Variants in ZFHX3 observed in about 807,000 individuals in gnomAD.
ZFHX3 encodes the protein zinc finger homeobox protein 3.
A neutral mutation model predicts 279.1 loss-of-function variants in ZFHX3; 42 were observed. The observed-to-expected ratio is 0.15, with a 90% confidence interval of 0.12 to 0.19. The LOEUF (loss-of-function observed/expected upper bound fraction) is 0.19. ZFHX3 is among the 10% of genes least tolerant of loss of function. The pLI, the probability that ZFHX3 is intolerant of heterozygous loss-of-function variation, is 1.00. For missense variants in ZFHX3, 4,981 were observed against 4,754.0 expected (o/e 1.05, Z -1.40); for synonymous variants, 2,293 against 1,957.8 (o/e 1.17, Z -4.52).
intron 2 of ZFHX3, among the ~76,000 whole-genome samples, chr16:73,569,742 C>A (rs1443249830): frequency 6.6e-6 from 1 of 152,166 alleles, no homozygotes; most frequent in African/African-American, 2.4e-5. Context: ...GCCAGTGAAA[C>A]CTGGATGCAC....
chr16:73,647,166 C>T (rs2052626858), intron 2 of ZFHX3, among the ~76,000 whole-genome samples: 1 of 152,054 alleles, frequency 6.6e-6, no homozygotes, highest in Non-Finnish European at 1.5e-5. Context: ...GCGCCTGCCA[C>T]CACAGGCAGC....
chr16:72,961,957 G>A (rs1597023516), intron 1 of ZFHX3, among the ~76,000 whole-genome samples: 1 of 152,162 alleles, frequency 6.6e-6, no homozygotes, highest in East Asian at 1.9e-4. Context: ...GGACTTCCTC[G>A]CAAGGCTGAG....
chr16:72,798,559 C>G lies in ZFHX3; in HGVS notation c.4123G>C (p.Ala1375Pro). 1 of 1,614,184 alleles carries G rather than the reference C, an allele frequency of 6.2e-7. No individual in the cohort carries two copies. Among genetic ancestry groups the G allele is most frequent in the South Asian group, 1.1e-5 (1 of 91,078 alleles). Reference sequence around the variant, plus strand: ...TCATTAAAATGCGTCTGAAGGGCAGCAGAAGTTTTGAAAACCTGGTTGCAC... The same window carrying G: ...TCATTAAAATGCGTCTGAAGGGCAGGAGAAGTTTTGAAAACCTGGTTGCAC... ...KGCNQVFKTS[A>P]ALQTHFNEVH... The change falls in exon 9 of 10, where the codon GCT becomes CCT. Residue 1375 changes from alanine (A) to proline (P), a missense_variant. This residue lies in a region of ZFHX3 where 1,751 missense variants were observed against 1,770.0 expected (regional missense o/e 0.99). Coordinates refer to ENST00000268489, the MANE Select transcript of ZFHX3 (RefSeq NM_006885.4).
At chr16:73,708,914 C>T (rs1480054426) in intron 1 of ZFHX3, among the ~76,000 whole-genome samples, 3 of 152,076 alleles carry the variant, frequency 2.0e-5, no homozygotes, top group African/African-American at 2.4e-5. Context: ...GCTCACTTTC[C>T]GTCTCCTCTC....
intron 3 of ZFHX3, among the ~76,000 whole-genome samples, chr16:72,932,653 CAAAAAAAAA>C (rs3079316): frequency 1.5e-4 from 16 of 103,228 alleles, no homozygotes; most frequent in Admixed American, 4.2e-4. Context: ...TGCTCCGCAC[CAAAAAAAAA>C]AAAAAAAAAA....
At chr16:73,458,509 G>A (rs572280510) in intron 2 of ZFHX3, among the ~76,000 whole-genome samples, 2 of 152,164 alleles carry the variant, frequency 1.3e-5, no homozygotes, top group Non-Finnish European at 2.9e-5. Flanking sequence ...CTGAGTAGCT[G>A]GGATTGCAGG....
At chr16:73,213,526 G>A (rs997472414) in intron 5 of ZFHX3, among the ~76,000 whole-genome samples, 1 of 151,908 alleles carries the variant, frequency 6.6e-6, no homozygotes. Flanking sequence ...ACTTTTTAGG[G>A]AAAGAAAAAC....
At chr16:72,877,768 A>C (rs2038353673) in intron 4 of ZFHX3, among the ~76,000 whole-genome samples, 1 of 152,210 alleles carries the variant, frequency 6.6e-6, no homozygotes, top group Non-Finnish European at 1.5e-5. Context: ...TTCAAAGTTC[A>C]GGTCAACTCA....
intron 2 of ZFHX3, among the ~76,000 whole-genome samples, chr16:73,458,306 T>TCCCCTCCCTTCC (rs2018409972): frequency 7.1e-6 from 1 of 141,724 alleles, no homozygotes; most frequent in African/African-American, 2.9e-5. Context: ...CTTTCCTTCT[T>TCCCCTCCCTTCC]TCCCTCCCTT....
chr16:72,907,435 G>A (rs1044531291), intron 3 of ZFHX3, among the ~76,000 whole-genome samples: 53 of 151,744 alleles, frequency 3.5e-4, no homozygotes, highest in African/African-American at 1.2e-3. Flanking sequence ...TTCTCTGTAC[G>A]TGAGAAAGGC....
intron 5 of ZFHX3, among the ~76,000 whole-genome samples, chr16:73,171,005 T>A (rs1967508595): frequency 6.6e-6 from 1 of 152,134 alleles, no homozygotes; most frequent in African/African-American, 2.4e-5. Flanking sequence ...AAGTCCAGAA[T>A]GCGGTGGAAC....
intron 6 of ZFHX3, among the ~76,000 whole-genome samples, chr16:73,134,187 G>A (rs771911411): frequency 1.6e-4 from 24 of 152,244 alleles, no homozygotes; most frequent in Non-Finnish European, 2.8e-4. Flanking sequence ...AACCCAGCAA[G>A]TCTGACTTCA....
intron 1 of ZFHX3, among the ~76,000 whole-genome samples, chr16:73,868,250 GGGT>G (rs1962078883): frequency 6.6e-6 from 1 of 152,168 alleles, no homozygotes; most frequent in Non-Finnish European, 1.5e-5. Context: ...CGGCCAAGTG[GGGT>G]GGCTCACGCC....
At chr16:73,343,068 T>C (rs969251426) in intron 3 of ZFHX3, among the ~76,000 whole-genome samples, 1 of 152,196 alleles carries the variant, frequency 6.6e-6, no homozygotes, top group Non-Finnish European at 1.5e-5. Context: ...AACAAATGAA[T>C]GAATATATTG....
intron 7 of ZFHX3, among the ~76,000 whole-genome samples, chr16:73,106,765 C>A (rs749686687): frequency 6.6e-5 from 10 of 152,166 alleles, no homozygotes; most frequent in Non-Finnish European, 1.2e-4. Flanking sequence ...AAACATTTGT[C>A]AACTATCAAT....
At chr16:73,571,435 A>G (rs2051734982) in intron 2 of ZFHX3, among the ~76,000 whole-genome samples, 1 of 152,180 alleles carries the variant, frequency 6.6e-6, no homozygotes, top group East Asian at 1.9e-4. Flanking sequence ...AAAATGCCTT[A>G]AGTTGTAATC....
intron 2 of ZFHX3, among the ~76,000 whole-genome samples, chr16:73,537,142 G>A (rs941992677): frequency 6.6e-6 from 1 of 152,018 alleles, no homozygotes; most frequent in African/African-American, 2.4e-5. Context: ...GAGTATCCAA[G>A]CCCTAAGTAG....
chr16:73,045,247 G>A (rs548583496), intron 1 of ZFHX3, among the ~76,000 whole-genome samples: 109 of 152,322 alleles, frequency 7.2e-4, no homozygotes, highest in African/African-American at 2.5e-3. Context: ...ACTAGCCCTA[G>A]AAATACTTTT....
chr16:73,448,544 G>A (rs1012069030), intron 3 of ZFHX3, among the ~76,000 whole-genome samples: 9 of 151,780 alleles, frequency 5.9e-5, no homozygotes, highest in Non-Finnish European at 1.0e-4. Context: ...TTTAGTGAAC[G>A]AAAAGGAAAA....
Sources: allele counts gnomAD v4.1 joint callset (sites outside exome capture counted in the v4.1 genomes callset), GRCh38; gene constraint gnomAD v4.1.1; regional missense constraint gnomAD v4.1.1; transcripts MANE v1.5; gene names NCBI Gene and HGNC (gene_info 2026-07-23, HGNC 2026-07-21).